CNTNAP5: variants seen among roughly 807,000 people sequenced by gnomAD.
CNTNAP5 encodes contactin-associated protein-like 5.
CNTNAP5 carries 72 observed loss-of-function variants against 150.2 expected under a neutral mutation model. The observed-to-expected ratio is 0.48, with a 90% CI of 0.40 to 0.58. The LOEUF (loss-of-function observed/expected upper bound fraction) is 0.58. Among genes scored for constraint, CNTNAP5 ranks in the 20% least tolerant of loss-of-function variants. The pLI is 0.00. For missense variants in CNTNAP5, 1,636 were observed against 1,626.2 expected (o/e 1.01, Z -0.10); for synonymous variants, 672 against 619.8 (o/e 1.08, Z -1.25).
intron 10 of CNTNAP5, among the ~76,000 whole-genome samples, chr2:124,530,736 C>T (rs150776280): frequency 1.8e-4 from 28 of 152,224 alleles, no homozygotes; most frequent in Middle Eastern, 3.4e-3. Flanking sequence ...TAAGGCATTC[C>T]TGACACACAC....
At chr2:124,528,963 C>T (rs143262675) in intron 10 of CNTNAP5, among the ~76,000 whole-genome samples, 8 of 152,062 alleles carry the variant, frequency 5.3e-5, no homozygotes, top group East Asian at 3.9e-4. Flanking sequence ...GAATGAGCTG[C>T]GTAACTTGGT....
At chr2:124,669,761 T>C (rs1678772158) in intron 13 of CNTNAP5, among the ~76,000 whole-genome samples, 2 of 152,248 alleles carry the variant, frequency 1.3e-5, no homozygotes, top group African/African-American at 4.8e-5. Context: ...GAGTTATCCT[T>C]GGTTCCTCTC....
chr2:124,413,360 A>T (rs1280990534), intron 3 of CNTNAP5, among the ~76,000 whole-genome samples: 1 of 150,736 alleles, frequency 6.6e-6, no homozygotes, highest in Non-Finnish European at 1.5e-5. Flanking sequence ...ATATCATTTG[A>T]CGCAGCCATC....
At chr2:124,655,452 C>A (rs140529444) in intron 13 of CNTNAP5, among the ~76,000 whole-genome samples, 3,225 of 151,936 alleles carry the variant, frequency 0.021, 44 homozygotes, top group Middle Eastern at 0.037. Context: ...CTGCAATAAA[C>A]GTACGTGTGC....
chr2:124,230,775 A>C (rs1686596298), intron 2 of CNTNAP5, among the ~76,000 whole-genome samples: 1 of 151,980 alleles, frequency 6.6e-6, no homozygotes. Context: ...TAGGTGATCC[A>C]CCTGCCCTGG....
intron 3 of CNTNAP5, among the ~76,000 whole-genome samples, chr2:124,265,670 T>C (rs1034563432): frequency 6.6e-6 from 1 of 152,004 alleles, no homozygotes; most frequent in Non-Finnish European, 1.5e-5. Flanking sequence ...ATGAAACTAA[T>C]TCATGGGTAA....
intron 13 of CNTNAP5, among the ~76,000 whole-genome samples, chr2:124,725,336 A>T (rs2105120860): frequency 6.6e-6 from 1 of 152,230 alleles, no homozygotes. Flanking sequence ...TTGTATATAT[A>T]TGGTATACAT....
chr2:124,238,166 T>C (rs79966456), intron 2 of CNTNAP5, among the ~76,000 whole-genome samples: 1,935 of 152,272 alleles, frequency 0.013, 33 homozygotes, highest in Middle Eastern at 0.031. Context: ...CTGAGGGATT[T>C]GTTGGTGCAC....
At chr2:124,577,338 A>C (rs1325380861) in intron 11 of CNTNAP5, among the ~76,000 whole-genome samples, 2 of 152,188 alleles carry the variant, frequency 1.3e-5, no homozygotes, top group African/African-American at 4.8e-5. Context: ...ATTACATTAT[A>C]ATACATCCCT....
At chr2:124,245,474 T>G (rs975061600) in intron 3 of CNTNAP5, among the ~76,000 whole-genome samples, 1 of 152,098 alleles carries the variant, frequency 6.6e-6, no homozygotes, top group African/African-American at 2.4e-5. Flanking sequence ...TTTGCAAAAC[T>G]GTCTAAATTG....
intron 3 of CNTNAP5, among the ~76,000 whole-genome samples, chr2:124,415,693 G>A (rs949003514): frequency 2.0e-5 from 3 of 152,168 alleles, no homozygotes; most frequent in Non-Finnish European, 4.4e-5. Context: ...AAATCGGTAT[G>A]CTAGCTGACA....
intron 8 of CNTNAP5, among the ~76,000 whole-genome samples, chr2:124,506,339 A>T (rs1322317798): frequency 6.6e-6 from 1 of 152,198 alleles, no homozygotes; most frequent in African/African-American, 2.4e-5. Flanking sequence ...TAGTCAGGAA[A>T]AAAAAATGAC....
intron 13 of CNTNAP5, among the ~76,000 whole-genome samples, chr2:124,653,874 T>G: frequency 6.7e-6 from 1 of 148,560 alleles, no homozygotes; most frequent in African/African-American, 2.5e-5. Flanking sequence ...TGCATACTTG[T>G]AGTAGGGAAG....
At chr2:124,888,697 A>G (rs755795059) in intron 21 of CNTNAP5, among the ~76,000 whole-genome samples, 23 of 152,112 alleles carry the variant, frequency 1.5e-4, no homozygotes, top group Non-Finnish European at 2.9e-4. Flanking sequence ...TCTAACAATT[A>G]GTGATGTTGA....
chr2:124,760,199 G>A (rs1476047902), intron 14 of CNTNAP5, among the ~76,000 whole-genome samples: 2 of 151,564 alleles, frequency 1.3e-5, no homozygotes, highest in East Asian at 3.9e-4. Flanking sequence ...ATTCACATAA[G>A]GACTTCAAAG....
chr2:124,268,757 T>G, intron 3 of CNTNAP5, among the ~76,000 whole-genome samples: 1 of 152,280 alleles, frequency 6.6e-6, no homozygotes, highest in South Asian at 2.1e-4. Context: ...TGTCTACACC[T>G]TGGTCCCATA....
chr2:124,361,919 C>T (rs1321590998), intron 3 of CNTNAP5, among the ~76,000 whole-genome samples: 2 of 152,098 alleles, frequency 1.3e-5, no homozygotes, highest in African/African-American at 4.8e-5. Flanking sequence ...TCGCTGCCGC[C>T]TTGCAGTTTG....
intron 1 of CNTNAP5, among the ~76,000 whole-genome samples, chr2:124,203,978 G>GT (rs1263597977): frequency 1.3e-5 from 2 of 152,132 alleles, no homozygotes; most frequent in African/African-American, 2.4e-5. Context: ...ATCAAAAAAT[G>GT]TTTTTTTGTT....
At position 124,164,646 on chromosome 2, in the gene CNTNAP5, G is replaced by A. The variant is rs767402611; in HGVS notation, c.83-57059G>A. 2.7e-4 allele frequency among the ~76,000 whole-genome samples: 41 copies of A among 152,134 alleles called. 1 individual carries two copies. The highest frequency in any genetic ancestry group is 2.1e-4 in the South Asian group (1 of 4,830). On this transcript the variant is annotated intron_variant, in intron 1 of 23. Transcript: ENST00000682447. ...TTGGACAATCTGCTAGAACACTAAA[G>A]TGATTGGAAATACGGAAGAGAAAGG...
Sources: allele counts gnomAD v4.1 joint callset (sites outside exome capture counted in the v4.1 genomes callset), GRCh38; gene constraint gnomAD v4.1.1; transcripts MANE v1.5; gene names NCBI Gene and HGNC (gene_info 2026-07-23, HGNC 2026-07-21).